The following KCNQ1 variants were observed in gnomAD, a reference collection of about 807,000 sequenced individuals.
KCNQ1 encodes the protein potassium voltage-gated channel subfamily Q member 1, also known as potassium voltage-gated channel subfamily KQT member 1.
Under a neutral mutation model 72.4 loss-of-function variants are expected in KCNQ1, and 49 were observed. The observed-to-expected ratio is 0.68, with a 90% confidence interval of 0.54 to 0.86. The LOEUF is 0.86. KCNQ1 is among the 40% of genes least tolerant of loss of function. KCNQ1 has a pLI of 0.00. For synonymous variants in KCNQ1, 450 were observed against 412.6 expected, an observed-to-expected ratio of 1.09 and a Z score of -1.10; for missense variants, 790 against 945.1, an observed-to-expected ratio of 0.84 and a Z score of 2.15.
At chr11:2,480,423 G>A (rs10832131) in intron 1 of KCNQ1, among the ~76,000 whole-genome samples, 63,539 of 152,104 alleles carry the variant, frequency 0.42, 15,952 homozygotes, top group Non-Finnish European at 0.58. Context: ...CACATCTTAC[G>A]TGGCAGCTGG....
intron 5 of KCNQ1, among the ~76,000 whole-genome samples, chr11:2,572,449 C>G (rs931187264): frequency 2.6e-5 from 4 of 152,202 alleles, no homozygotes; most frequent in African/African-American, 9.7e-5. Flanking sequence ...GACTCCCTCC[C>G]GAGGGCTGCA....
Position 2,463,635 on chromosome 11 carries a change from G to A in KCNQ1, c.386+18151G>A, listed in dbSNP as rs976835594. On this transcript the variant is annotated intron_variant, in intron 1 of 15. Coordinates refer to ENST00000155840, the MANE Select transcript of KCNQ1 (RefSeq NM_000218.3). This position sits in a 1 kb window ranked among gnomAD's most constrained non-coding sequence, Gnocchi z 7.0. ...GGGGCTGGGGCAGCTGTGTTTATGG[G>A]TGTACTCCCTGTGCTGGGCACTGCG... is the stretch of plus-strand genomic sequence containing the variant. 6.6e-6 allele frequency among the ~76,000 whole-genome samples: 1 copy of A among 152,192 alleles called. No homozygotes were observed. Among genetic ancestry groups the A allele is most frequent in the Non-Finnish European group, 1.5e-5 (1 of 68,024 alleles).
chr11:2,571,823 TG>T (rs1008296578), intron 4 of KCNQ1, among the ~76,000 whole-genome samples, 189 bp from the exon 5 acceptor site: 1 of 152,086 alleles, frequency 6.6e-6, no homozygotes, highest in African/African-American at 2.4e-5. Context: ...GAGCAGGCTC[TG>T]GGGGGCTGCG....
intron 6 of KCNQ1, among the ~76,000 whole-genome samples, chr11:2,582,034 C>T (rs992216689): frequency 2.0e-5 from 3 of 152,198 alleles, no homozygotes; most frequent in African/African-American, 4.8e-5. Context: ...GCCTGGGTGG[C>T]GGCCAGGGCT....
rs529531598 is a variant in KCNQ1 at position 2,541,218 on chromosome 11, A to G, written c.477+13200A>G. Among the ~76,000 whole-genome samples the G allele has an allele frequency of 6.6e-6, 1 of 152,366 alleles. No homozygotes were observed. Among genetic ancestry groups the G allele is most frequent in the South Asian group, 2.1e-4 (1 of 4,832 alleles). ...CAGCATGGGAAGCCTGGATGAGAAC[A>G]AAATGTCAAGTGTGTGCCGAGAGGC... On this transcript the variant is annotated intron_variant, in intron 2 of 15. Transcript: ENST00000155840. The surrounding 1 kb of genome is among the most constrained non-coding windows in gnomAD (Gnocchi z 4.8).
At chr11:2,719,122 T>C (rs1350262011) in intron 11 of KCNQ1, among the ~76,000 whole-genome samples, 1 of 152,228 alleles carries the variant, frequency 6.6e-6, no homozygotes, top group East Asian at 1.9e-4. Context: ...TCCAGCCGTG[T>C]GCTCTCGGGT....
intron 15 of KCNQ1, among the ~76,000 whole-genome samples, chr11:2,793,175 C>T (rs996732525): frequency 9.2e-5 from 14 of 152,186 alleles, no homozygotes; most frequent in Admixed American, 2.6e-4. Flanking sequence ...AGGCAGGGCC[C>T]GCCTGGGTGC....
At chr11:2,779,163 G>A (rs1366962020) in intron 15 of KCNQ1, among the ~76,000 whole-genome samples, 1 of 152,220 alleles carries the variant, frequency 6.6e-6, no homozygotes, top group African/African-American at 2.4e-5. Context: ...CCAGGCAGAT[G>A]GCCCAGTGGG....
At chr11:2,736,207 C>T (rs1000433998) in intron 11 of KCNQ1, among the ~76,000 whole-genome samples, 1 of 152,232 alleles carries the variant, frequency 6.6e-6, no homozygotes, top group Non-Finnish European at 1.5e-5. Context: ...TGAAGGAAGC[C>T]TTTCCTAACC....
At chr11:2,780,649 G>C (rs1195570507) in intron 15 of KCNQ1, among the ~76,000 whole-genome samples, 2 of 152,218 alleles carry the variant, frequency 1.3e-5, no homozygotes, top group Non-Finnish European at 2.9e-5. Context: ...CATAGGATGA[G>C]AGGTCTCCGG....
At chr11:2,733,642 C>G (rs1845888929) in intron 11 of KCNQ1, among the ~76,000 whole-genome samples, 1 of 151,968 alleles carries the variant, frequency 6.6e-6, no homozygotes, top group Non-Finnish European at 1.5e-5. Flanking sequence ...ACAGCCAGGC[C>G]TGGGCAGCCC....
rs772621365 is a variant in KCNQ1 at position 2,494,886 on chromosome 11, A to G, written c.387-33042A>G. 6.6e-6 allele frequency among the ~76,000 whole-genome samples: 1 copy of G among 152,040 alleles called. No individual in the cohort carries two copies. The highest frequency in any genetic ancestry group is 2.1e-4 in the South Asian group (1 of 4,804). ...GTTAGGGAGGGGTCCCTCTTTTTCT[A>G]CTGTTTGGAATAGTTTCAGAAGGAA... On this transcript the variant is annotated intron_variant, in intron 1 of 15. Transcript: ENST00000155840. The surrounding 1 kb of genome is among the most constrained non-coding windows in gnomAD (Gnocchi z 4.6).
rs1377013927 is a variant in KCNQ1 at position 2,830,837 on chromosome 11, A to C, written c.1795-16930A>C. On this transcript the variant is annotated intron_variant, in intron 15 of 15. Coordinates refer to ENST00000155840, the MANE Select transcript of KCNQ1 (RefSeq NM_000218.3). This position sits in a 1 kb window ranked among gnomAD's most constrained non-coding sequence, Gnocchi z 7.7. ...TCCCCATCATCAGGTAACCCAGCAC[A>C]GGCTGGCCCAACCCCTCTCTAGGCC... Among the ~76,000 whole-genome samples the C allele has an allele frequency of 3.9e-5, 6 of 152,188 alleles. No individual in the cohort carries two copies. The highest frequency in any genetic ancestry group is 1.4e-4 in the African/African-American group (6 of 41,454).
chr11:2,584,876 G>A (rs1410075784), intron 7 of KCNQ1, among the ~76,000 whole-genome samples: 1 of 152,136 alleles, frequency 6.6e-6, no homozygotes, highest in African/African-American at 2.4e-5. Flanking sequence ...CTTCTCACTT[G>A]CGACCCCAAT....
intron 11 of KCNQ1, among the ~76,000 whole-genome samples, chr11:2,763,664 C>T (rs994091137): frequency 1.3e-5 from 2 of 152,298 alleles, no homozygotes; most frequent in African/African-American, 4.8e-5. Context: ...CTCAAGCAGT[C>T]CGCCCATCTC....
Position 2,461,660 on chromosome 11 carries a change from G to C in KCNQ1, c.386+16176G>C, listed in dbSNP as rs778517345. On this transcript the variant is annotated intron_variant, in intron 1 of 15. Coordinates refer to ENST00000155840, the MANE Select transcript of KCNQ1 (RefSeq NM_000218.3). ...CGGGAATTTGAGGCCTGTGGCTGCTGTGGACCCTGGGAAAGAGCCTGTGCT... is the reference window on the plus strand; with the variant it reads ...CGGGAATTTGAGGCCTGTGGCTGCTCTGGACCCTGGGAAAGAGCCTGTGCT... 19 of 1,366,900 alleles carry C rather than the reference G, an allele frequency of 1.4e-5. No homozygotes were observed. The South Asian group carries it at 2.0e-4, about 15-fold the overall frequency. The allele number at this position is 1,366,900 out of a possible 1,614,324, so 84.7% of individuals were successfully genotyped here.
In KCNQ1 at chr11:2,658,074, G is replaced by A; in HGVS notation, c.1394-3887G>A. On this transcript the variant is annotated intron_variant, in intron 10 of 15. Transcript: ENST00000155840. This position sits in a 1 kb window ranked among gnomAD's most constrained non-coding sequence, Gnocchi z 4.9. The stretch of plus-strand genomic sequence containing the variant: ...TATAGCCCACACTCAAGGTGGGGAA[G>A]GGAGGGGTTCAACTCTACCTCCTGC... 1 of 398,580 alleles carries A rather than the reference G, an allele frequency of 2.5e-6. No homozygotes were observed. Among genetic ancestry groups the A allele is most frequent in the Non-Finnish European group, 4.4e-6 (1 of 226,040 alleles). 24.7% of individuals were successfully genotyped at this position (398,580 alleles called of 1,614,324 possible). A position where few individuals can be genotyped will look rare whatever the true frequency, so the allele number is the denominator to read the frequency against.
At chr11:2,573,360 A>G (rs1357742199) in intron 6 of KCNQ1, among the ~76,000 whole-genome samples, 3 of 152,074 alleles carry the variant, frequency 2.0e-5, no homozygotes, top group Non-Finnish European at 4.4e-5. Context: ...TCACCCTGGC[A>G]GGGCCCAAGG....
Position 2,515,143 on chromosome 11 carries a change from C to T in KCNQ1, c.387-12785C>T, listed in dbSNP as rs1258969590. On this transcript the variant is annotated intron_variant, in intron 1 of 15. Coordinates refer to ENST00000155840, the MANE Select transcript of KCNQ1 (RefSeq NM_000218.3). This position sits in a 1 kb window ranked among gnomAD's most constrained non-coding sequence, Gnocchi z 4.7. ...TCAGCCGGATATTGGACGTTATACT[C>T]AATAGGTAATTTTTCAACCCTCCCC... Among the ~76,000 whole-genome samples, 1 of 152,132 alleles carries T rather than the reference C, an allele frequency of 6.6e-6. No individual in the cohort carries two copies. Among genetic ancestry groups the T allele is most frequent in the Non-Finnish European group, 1.5e-5 (1 of 68,020 alleles).
Sources: gnomAD v4.1 joint callset for allele counts (sites outside exome capture counted in the v4.1 genomes callset) on GRCh38, gnomAD v4.1.1 for gene constraint, Gnocchi (gnomAD v3.1) non-coding constraint, MANE v1.5 for transcripts, NCBI Gene and HGNC (gene_info 2026-07-23, HGNC 2026-07-21) for gene names.